UNC5C: variants seen among roughly 807,000 people sequenced by gnomAD.
The protein encoded by UNC5C is netrin receptor UNC5C.
A neutral mutation model predicts 99.8 loss-of-function variants in UNC5C; 47 were observed. The ratio of observed to expected loss-of-function variants is 0.47; its 90% CI spans 0.37 to 0.60. The LOEUF (loss-of-function observed/expected upper bound fraction) is 0.60, where lower values mean the gene tolerates loss of function less well. Ranked by LOEUF, UNC5C falls within the 20% of genes least tolerant of loss-of-function variation. UNC5C has a pLI of 0.00. For synonymous variants in UNC5C, 487 were observed against 452.2 expected, an observed-to-expected ratio of 1.08 and a Z score of -0.98; for missense variants, 1,062 against 1,165.9, an observed-to-expected ratio of 0.91 and a Z score of 1.30.
intron 1 of UNC5C, among the ~76,000 whole-genome samples, chr4:95,533,241 CA>C (rs899319675): frequency 1.3e-5 from 2 of 151,268 alleles, no homozygotes; most frequent in Middle Eastern, 3.4e-3. Context: ...ACTAAAAATA[CA>C]AAAAAAATTA....
At chr4:95,451,386 T>C (rs924289081) in intron 1 of UNC5C, among the ~76,000 whole-genome samples, 3 of 152,200 alleles carry the variant, frequency 2.0e-5, no homozygotes, top group African/African-American at 7.2e-5. Context: ...CTGTCATTTC[T>C]GAAATGTTAC....
At chr4:95,199,955 T>C (rs887387419) in intron 12 of UNC5C, among the ~76,000 whole-genome samples, 12 of 152,328 alleles carry the variant, frequency 7.9e-5, no homozygotes, top group Admixed American at 1.3e-4. Flanking sequence ...TGTTCACAAC[T>C]TTTATTCGAC....
intron 1 of UNC5C, among the ~76,000 whole-genome samples, chr4:95,394,404 C>G (rs1212948105): frequency 6.6e-6 from 1 of 152,168 alleles, no homozygotes; most frequent in Non-Finnish European, 1.5e-5. Context: ...CTTGGGAGAA[C>G]AGGGATCGAC....
At chr4:95,406,950 T>G in intron 1 of UNC5C, among the ~76,000 whole-genome samples, 1 of 152,338 alleles carries the variant, frequency 6.6e-6, no homozygotes, top group South Asian at 2.1e-4. Context: ...GATGGCAAAC[T>G]TAACAGACAT....
At chr4:95,473,278 CAA>C (rs1409066533) in intron 1 of UNC5C, among the ~76,000 whole-genome samples, 3 of 152,078 alleles carry the variant, frequency 2.0e-5, no homozygotes, top group Admixed American at 2.0e-4. Flanking sequence ...ATTACAAAAC[CAA>C]AGATACAATA....
chr4:95,271,383 A>G (rs1354636330), intron 4 of UNC5C, among the ~76,000 whole-genome samples: 2 of 149,438 alleles, frequency 1.3e-5, no homozygotes, highest in African/African-American at 2.6e-5. Context: ...GCCCGCCACC[A>G]CGCCCGGCTA....
At chr4:95,170,699 G>A (rs889382757) in intron 14 of UNC5C, among the ~76,000 whole-genome samples, 1 of 152,184 alleles carries the variant, frequency 6.6e-6, no homozygotes, top group Non-Finnish European at 1.5e-5. Flanking sequence ...TTTCAGGAGA[G>A]GAAAATGTTC....
chr4:95,215,036 G>A (rs541275051), intron 10 of UNC5C, among the ~76,000 whole-genome samples: 3 of 152,228 alleles, frequency 2.0e-5, no homozygotes, highest in South Asian at 4.1e-4. Flanking sequence ...TATGTAGGTG[G>A]AAGTACACCA....
intron 1 of UNC5C, among the ~76,000 whole-genome samples, chr4:95,413,989 AATATGTCAGTATC>A (rs1208438816): frequency 6.6e-6 from 1 of 152,174 alleles, no homozygotes; most frequent in African/African-American, 2.4e-5. Flanking sequence ...TGCAGAGCCA[AATATGTCAGTATC>A]TTATTAAATA....
At chr4:95,342,893 GGTGGCA>G (rs1314489778) in intron 1 of UNC5C, among the ~76,000 whole-genome samples, 6 of 152,038 alleles carry the variant, frequency 3.9e-5, no homozygotes, top group Admixed American at 3.3e-4. Context: ...GTGGGCCTGG[GGTGGCA>G]GTGGCAGTGG....
chr4:95,308,409 C>G (rs1355206262), intron 2 of UNC5C, among the ~76,000 whole-genome samples: 1 of 151,824 alleles, frequency 6.6e-6, no homozygotes, highest in Non-Finnish European at 1.5e-5. Context: ...GATGAAAGAG[C>G]TGTACACTGC....
At chr4:95,463,900 A>G (rs1384123822) in intron 1 of UNC5C, among the ~76,000 whole-genome samples, 4 of 152,204 alleles carry the variant, frequency 2.6e-5, no homozygotes, top group African/African-American at 4.8e-5. Context: ...TGTCCTTAGT[A>G]TTTTTAAACT....
intron 1 of UNC5C, among the ~76,000 whole-genome samples, chr4:95,532,407 G>A (rs572882215): frequency 1.8e-4 from 27 of 149,472 alleles, no homozygotes; most frequent in Admixed American, 1.3e-3. Context: ...TCCAAGATGC[G>A]TTATGTATGC....
intron 1 of UNC5C, among the ~76,000 whole-genome samples, chr4:95,441,108 T>A (rs1054741743): frequency 6.6e-6 from 1 of 152,202 alleles, no homozygotes; most frequent in Non-Finnish European, 1.5e-5. Context: ...AATTTGGTTT[T>A]GACCACATAA....
chr4:95,189,420 G>A (rs1736974262), intron 12 of UNC5C, among the ~76,000 whole-genome samples: 1 of 152,166 alleles, frequency 6.6e-6, no homozygotes, highest in East Asian at 1.9e-4. Context: ...CAAGTAGCTG[G>A]GACTACAGGC....
At chr4:95,309,990 C>G (rs1008169970) in intron 2 of UNC5C, among the ~76,000 whole-genome samples, 2 of 152,144 alleles carry the variant, frequency 1.3e-5, no homozygotes, top group African/African-American at 4.8e-5. Flanking sequence ...CCCCTACATT[C>G]GCTGCAGCAC....
At chr4:95,518,290 CA>C (rs1247102948) in intron 1 of UNC5C, among the ~76,000 whole-genome samples, 1 of 152,078 alleles carries the variant, frequency 6.6e-6, no homozygotes, top group African/African-American at 2.4e-5. Context: ...TTACATTGAA[CA>C]AAAAGATGAT....
intron 13 of UNC5C, among the ~76,000 whole-genome samples, chr4:95,184,494 G>A (rs1736752233): frequency 6.6e-6 from 1 of 152,140 alleles, no homozygotes; most frequent in Non-Finnish European, 1.5e-5. Context: ...ATGAAGGAGG[G>A]GAAAATTCCT....
intron 1 of UNC5C, among the ~76,000 whole-genome samples, chr4:95,484,290 C>T (rs1721263061): frequency 6.6e-6 from 1 of 151,868 alleles, no homozygotes; most frequent in African/African-American, 2.4e-5. Context: ...TATGACCTAA[C>T]ACATTAAAAT....
Sources: allele counts gnomAD v4.1 joint callset (sites outside exome capture counted in the v4.1 genomes callset), GRCh38; gene constraint gnomAD v4.1.1; transcripts MANE v1.5; gene names NCBI Gene and HGNC (gene_info 2026-07-23, HGNC 2026-07-21).